Variants in SNUPN observed in about 807,000 individuals in gnomAD.
The protein encoded by SNUPN is snurportin-1.
SNUPN carries 31 observed loss-of-function variants against 39.2 expected under a neutral mutation model. The ratio of observed to expected loss-of-function variants is 0.79; its 90% CI spans 0.59 to 1.07. The LOEUF (loss-of-function observed/expected upper bound fraction) is 1.07. SNUPN is among the 50% of genes least tolerant of loss of function. The pLI, the probability that SNUPN is intolerant of heterozygous loss-of-function variation, is 0.00. For synonymous variants in SNUPN, 132 were observed against 159.0 expected, an observed-to-expected ratio of 0.83 and a Z score of 1.28; for missense variants, 382 against 434.2, an observed-to-expected ratio of 0.88 and a Z score of 1.07.
At chr15:75,612,457 T>C (rs189717707) in intron 3 of SNUPN, among the ~76,000 whole-genome samples, 1 of 152,284 alleles carries the variant, frequency 6.6e-6, no homozygotes, top group Admixed American at 6.5e-5. Context: ...TTTTTCCCTC[T>C]AAACATTCCT....
chr15:75,612,628 T>A (rs1892814875), intron 3 of SNUPN, among the ~76,000 whole-genome samples: 1 of 151,990 alleles, frequency 6.6e-6, no homozygotes, highest in Admixed American at 6.6e-5. Context: ...TCCACACTCA[T>A]CTATATTGCG....
At chr15:75,609,382 G>C (rs1030025128) in intron 5 of SNUPN, among the ~76,000 whole-genome samples, 176 bp downstream of exon 5, 26 of 151,694 alleles carry the variant, frequency 1.7e-4, no homozygotes, top group African/African-American at 6.0e-4. Flanking sequence ...GTAGAGACGG[G>C]GTTTCACCTT....
Position 75,599,355 on chromosome 15 carries a change from ACTCTGGTCTT to A in SNUPN, c.760-684_760-675del, listed in dbSNP as rs376658891. Among the ~76,000 whole-genome samples the A allele has an allele frequency of 2.9e-3, 437 of 151,732 alleles. 1 individual carries two copies. The highest frequency in any genetic ancestry group is 9.7e-3 in the African/African-American group (400 of 41,360). ...AGTAGGAAGCAGGACTTCAACTTGA[ACTCTGGTCTT>A]CTGTCCCCAGATTCCACGGACTTTC... On this transcript the variant is annotated intron_variant, in intron 8 of 8. Coordinates refer to ENST00000308588, the MANE Select transcript of SNUPN (RefSeq NM_005701.4).
chr15:75,622,686 G>C (rs1038915991), intron 1 of SNUPN, among the ~76,000 whole-genome samples: 3 of 152,172 alleles, frequency 2.0e-5, no homozygotes, highest in African/African-American at 4.8e-5. Flanking sequence ...CCAGTGCTCT[G>C]AGCATCAAAA....
intron 8 of SNUPN, among the ~76,000 whole-genome samples, chr15:75,599,836 A>ATTTTTTTT (rs60918008): frequency 8.5e-5 from 12 of 140,510 alleles, no homozygotes; most frequent in Non-Finnish European, 6.2e-5. Context: ...GACTGGGCAG[A>ATTTTTTTT]TTTTTTTTTT....
intron 7 of SNUPN, among the ~76,000 whole-genome samples, chr15:75,603,128 A>G (rs1034045397): frequency 1.3e-5 from 2 of 150,368 alleles, no homozygotes; most frequent in African/African-American, 4.9e-5. Flanking sequence ...GGCTAACTGC[A>G]AGCTCGGCCT....
At chr15:75,621,260 T>TC (rs1430751555) in intron 1 of SNUPN, among the ~76,000 whole-genome samples, 3 of 129,042 alleles carry the variant, frequency 2.3e-5, no homozygotes, top group Admixed American at 1.7e-4. Context: ...TACAGATATT[T>TC]CCTTTTTTTT....
intron 1 of SNUPN, among the ~76,000 whole-genome samples, chr15:75,623,839 G>A (rs1364828787): frequency 6.6e-6 from 1 of 151,582 alleles, no homozygotes; most frequent in Non-Finnish European, 1.5e-5. Context: ...CATATGGTAT[G>A]TTATTCAAAT....
intron 3 of SNUPN, among the ~76,000 whole-genome samples, chr15:75,611,562 A>T (rs1242957144): frequency 6.6e-6 from 1 of 151,866 alleles, no homozygotes; most frequent in African/African-American, 2.4e-5. Context: ...CACTTTAAAA[A>T]AAAACTTTTT....
Position 75,607,296 on chromosome 15 carries a change from A to C in SNUPN, c.520T>G (p.Cys174Gly). 1 of 1,611,872 alleles carries C rather than the reference A, an allele frequency of 6.2e-7. No homozygotes were observed. Among genetic ancestry groups the C allele is most frequent in the Non-Finnish European group, 8.5e-7 (1 of 1,177,950 alleles). The change falls in exon 6 of 9, where the codon TGC (cysteine) becomes GGC (glycine). Residue 174 changes from cysteine (C) to glycine (G), a missense_variant. Transcript: ENST00000308588. ...GTCTGGTTTACCTCATTGTAAATGC[A>C]ATCTAGAATGGTGTAGTCTGAGGAC... The part of the protein sequence containing the change: ...STAKDYTILD[C>G]IYNEVNQTYY...
intron 1 of SNUPN, among the ~76,000 whole-genome samples, chr15:75,623,925 A>ATTTTT (rs144317163): frequency 1.7e-5 from 2 of 118,398 alleles, no homozygotes; most frequent in Admixed American, 8.9e-5. Flanking sequence ...TCATGATAAA[A>ATTTTT]TTTTTTTTTT....
chr15:75,610,630 C>G (rs1339318545), intron 3 of SNUPN, among the ~76,000 whole-genome samples: 2 of 152,128 alleles, frequency 1.3e-5, no homozygotes, highest in Non-Finnish European at 2.9e-5. Flanking sequence ...CTTTGTCCAT[C>G]TGCTCCTATC....
chr15:75,599,836 A>ATTTTTTTTTTTTTTTT (rs60918008), intron 8 of SNUPN, among the ~76,000 whole-genome samples: 3 of 140,516 alleles, frequency 2.1e-5, no homozygotes, highest in Non-Finnish European at 4.6e-5. Flanking sequence ...GACTGGGCAG[A>ATTTTTTTTTTTTTTTT]TTTTTTTTTT....
chr15:75,603,498 A>G (rs934002005), intron 7 of SNUPN, among the ~76,000 whole-genome samples: 3 of 150,622 alleles, frequency 2.0e-5, no homozygotes, highest in African/African-American at 7.3e-5. Context: ...CGTCTCTACT[A>G]AAAATACAAA....
chr15:75,600,609 C>G (rs1327166668), intron 8 of SNUPN: 1 of 158,170 alleles, frequency 6.3e-6, no homozygotes, highest in African/African-American at 2.4e-5. Flanking sequence ...CAGGGCGAGT[C>G]CTGAGCAAAC....
At chr15:75,608,813 G>A (rs371193622) in intron 5 of SNUPN, among the ~76,000 whole-genome samples, 1 of 152,088 alleles carries the variant, frequency 6.6e-6, no homozygotes, top group East Asian at 1.9e-4. Flanking sequence ...CTTGGTCCAG[G>A]GGCCAGGATG....
At chr15:75,612,060 T>C (rs572767985) in intron 3 of SNUPN, among the ~76,000 whole-genome samples, 1 of 138,510 alleles carries the variant, frequency 7.2e-6, no homozygotes, top group Admixed American at 7.8e-5. Context: ...TGAACTGGAG[T>C]CTTACTCTGT....
chr15:75,623,294 G>A (rs112824424), intron 1 of SNUPN, among the ~76,000 whole-genome samples: 1 of 149,628 alleles, frequency 6.7e-6, no homozygotes, highest in South Asian at 2.1e-4. Flanking sequence ...ACAGGCGCCC[G>A]CCACCACGCC....
intron 1 of SNUPN, among the ~76,000 whole-genome samples, chr15:75,623,470 G>T (rs1893128042): frequency 6.7e-6 from 1 of 149,980 alleles, no homozygotes. Context: ...TTTGAGACAG[G>T]GTCTCACTTT....
Sources: allele counts gnomAD v4.1 joint callset (sites outside exome capture counted in the v4.1 genomes callset), GRCh38; gene constraint gnomAD v4.1.1; transcripts MANE v1.5; gene names NCBI Gene and HGNC (gene_info 2026-07-23, HGNC 2026-07-21).